The following THSD7B variants were observed in gnomAD, a reference collection of about 807,000 sequenced individuals.
The protein encoded by THSD7B is thrombospondin type 1 domain containing 7B.
A neutral mutation model predicts 213.6 loss-of-function variants in THSD7B; 138 were observed. That is an observed-to-expected ratio of 0.65 (90% CI 0.56 to 0.74). The LOEUF (loss-of-function observed/expected upper bound fraction) is 0.74. Among genes scored for constraint, THSD7B ranks in the 30% least tolerant of loss-of-function variants. The pLI is 0.00. For synonymous variants in THSD7B, 742 were observed against 687.0 expected (o/e 1.08, Z -1.25); for missense variants, 1,931 against 1,991.5 (o/e 0.97, Z 0.58).
At chr2:136,884,660 C>T (rs796152239) in intron 2 of THSD7B, among the ~76,000 whole-genome samples, 11 of 152,334 alleles carry the variant, frequency 7.2e-5, no homozygotes, top group African/African-American at 2.6e-4. Context: ...TGGAATCATA[C>T]TCTGCACTGC....
chr2:136,877,305 G>T (rs1683540808), intron 1 of THSD7B, among the ~76,000 whole-genome samples: 1 of 152,178 alleles, frequency 6.6e-6, no homozygotes, highest in African/African-American at 2.4e-5. Flanking sequence ...AAGCGCAGTT[G>T]TGACAAGTCA....
chr2:136,811,287 G>A (rs1573649329), intron 1 of THSD7B, among the ~76,000 whole-genome samples: 2 of 152,110 alleles, frequency 1.3e-5, no homozygotes, highest in Admixed American at 6.5e-5. Flanking sequence ...CTAGATAGAT[G>A]TAGGGAGTAG....
At chr2:137,306,664 T>G (rs1355684085) in intron 12 of THSD7B, among the ~76,000 whole-genome samples, 2 of 152,082 alleles carry the variant, frequency 1.3e-5, no homozygotes, top group East Asian at 3.8e-4. Context: ...TGTCCTGTCT[T>G]TTTTCTGTGA....
chr2:137,311,256 TC>T (rs1683899159), intron 12 of THSD7B, among the ~76,000 whole-genome samples: 1 of 151,506 alleles, frequency 6.6e-6, no homozygotes, highest in African/African-American at 2.4e-5. Context: ...TATTTTATTC[TC>T]TTTGAAGCAA....
chr2:137,242,373 T>C, intron 9 of THSD7B, 84 bp from the exon 10 acceptor site: 1 of 1,034,400 alleles, frequency 9.7e-7, no homozygotes, highest in South Asian at 1.4e-5. Flanking sequence ...GCCCTTAATA[T>C]TTTCGGTTCT....
intron 24 of THSD7B, 134 bp from the exon 25 acceptor site, chr2:137,659,530 T>C (rs1683302391): frequency 1.3e-6 from 1 of 744,438 alleles, no homozygotes; most frequent in Non-Finnish European, 2.2e-6. Context: ...TGGACCACAA[T>C]GTTGGCAAAT....
At chr2:137,031,381 G>T (rs977370003) in intron 2 of THSD7B, among the ~76,000 whole-genome samples, 3 of 152,070 alleles carry the variant, frequency 2.0e-5, no homozygotes, top group Non-Finnish European at 2.9e-5. Context: ...AATAAATGAA[G>T]TAGCAGAAAA....
intron 12 of THSD7B, among the ~76,000 whole-genome samples, chr2:137,355,078 T>G (rs760499611): frequency 1.9e-4 from 29 of 152,138 alleles, no homozygotes; most frequent in Non-Finnish European, 3.1e-4. Flanking sequence ...TTTGAAATGA[T>G]TTGGGGTTTT....
At chr2:137,540,958 A>G (rs1056131603) in intron 15 of THSD7B, among the ~76,000 whole-genome samples, 1 of 151,700 alleles carries the variant, frequency 6.6e-6, no homozygotes, top group Non-Finnish European at 1.5e-5. Flanking sequence ...CAGGCAAACT[A>G]TGAGACTGGG....
chr2:137,279,264 G>T (rs1458298603), intron 12 of THSD7B, among the ~76,000 whole-genome samples: 1 of 152,096 alleles, frequency 6.6e-6, no homozygotes, highest in Non-Finnish European at 1.5e-5. Flanking sequence ...GGCCAGGTGT[G>T]ATAGCTCATG....
intron 1 of THSD7B, among the ~76,000 whole-genome samples, chr2:136,776,945 AAAGAGGAGAG>A (rs2104902864): frequency 6.6e-6 from 1 of 152,244 alleles, no homozygotes; most frequent in East Asian, 1.9e-4. Context: ...AATGACAGGA[AAAGAGGAGAG>A]AAGAGGAGGC....
intron 2 of THSD7B, among the ~76,000 whole-genome samples, chr2:136,996,679 T>C (rs984019631): frequency 6.6e-6 from 1 of 152,182 alleles, no homozygotes; most frequent in African/African-American, 2.4e-5. Flanking sequence ...AGAAACACAC[T>C]AGAAACAGAA....
chr2:137,043,919 A>G (rs1413523348), intron 2 of THSD7B, among the ~76,000 whole-genome samples: 1 of 152,010 alleles, frequency 6.6e-6, no homozygotes, highest in Non-Finnish European at 1.5e-5. Flanking sequence ...CCATCCTTTA[A>G]CCCCCACACT....
rs1218321812 is a variant in THSD7B, at chr2:137,120,515, G to A, written c.1369+5222G>A. Among the ~76,000 whole-genome samples the A allele has an allele frequency of 2.0e-5, 3 of 151,930 alleles. No homozygotes were observed. The East Asian group carries it at 5.8e-4, about 29-fold the overall frequency. ...GGGAGAATGGAGCAGAGAGAAGGGA[G>A]AGGGGATGGGGAAGGGGAGAGCAGG... On this transcript the variant is annotated intron_variant, in intron 5 of 27. Transcript: ENST00000409968.
At chr2:137,096,452 C>A (rs191877452) in intron 4 of THSD7B, among the ~76,000 whole-genome samples, 34 of 152,272 alleles carry the variant, frequency 2.2e-4, no homozygotes, top group Admixed American at 1.8e-3. Flanking sequence ...CACATCCCCA[C>A]TTCCCAGTTG....
intron 12 of THSD7B, among the ~76,000 whole-genome samples, chr2:137,330,496 T>C (rs951603285): frequency 6.6e-6 from 1 of 152,210 alleles, no homozygotes; most frequent in African/African-American, 2.4e-5. Context: ...CTGGAGTTTA[T>C]TCCTTCTGAT....
chr2:137,617,522 T>C lies in THSD7B; in HGVS notation c.3566-870T>C, dbSNP rs547655091. On this transcript the variant is annotated intron_variant, in intron 18 of 27. Transcript: ENST00000409968. ...AAAATATAGTTTCTGTAACAGTCCA[T>C]ACAGTTTTGTGTGCCCTTCCCTCTT... Among the ~76,000 whole-genome samples, 9 of 152,358 alleles carry C rather than the reference T, an allele frequency of 5.9e-5. No individual in the cohort carries two copies. In the East Asian group the frequency reaches 1.7e-3, roughly 29 times the overall value.
At chr2:137,628,191 C>A (rs1329344228) in intron 20 of THSD7B, among the ~76,000 whole-genome samples, 1 of 152,164 alleles carries the variant, frequency 6.6e-6, no homozygotes, top group African/African-American at 2.4e-5. Flanking sequence ...ATTGGAGACT[C>A]CGTAGGATCT....
At chr2:137,642,780 T>C in intron 21 of THSD7B, 147 bp downstream of exon 21, 1 of 960,980 alleles carries the variant, frequency 1.0e-6, no homozygotes, top group Non-Finnish European at 1.5e-6. Flanking sequence ...CATGGAAAAA[T>C]ACAACCAAAT....
Sources: allele counts gnomAD v4.1 joint callset (sites outside exome capture counted in the v4.1 genomes callset), GRCh38; gene constraint gnomAD v4.1.1; transcripts MANE v1.5; gene names NCBI Gene and HGNC (gene_info 2026-07-23, HGNC 2026-07-21).